Variants in RALYL observed in about 807,000 individuals in gnomAD.
RALYL encodes the protein RALY RNA binding protein like, also known as RNA-binding Raly-like protein.
Under a neutral mutation model 35.1 loss-of-function variants are expected in RALYL, and 29 were observed. The observed-to-expected ratio is 0.83, with a 90% CI of 0.61 to 1.13. The LOEUF is 1.13. RALYL is among the 50% of genes most tolerant of loss of function. The pLI is 0.00. For synonymous variants in RALYL, 120 were observed against 127.6 expected (o/e 0.94, Z 0.40); for missense variants, 359 against 360.4 (o/e 1.00, Z 0.03).
At chr8:84,652,844 A>T (rs543948248) in intron 2 of RALYL, among the ~76,000 whole-genome samples, 50 of 152,134 alleles carry the variant, frequency 3.3e-4, no homozygotes, top group African/African-American at 1.0e-3. Context: ...GAAATGTCTC[A>T]TTTGGATGAT....
chr8:84,554,528 C>A (rs1227837365), intron 2 of RALYL, among the ~76,000 whole-genome samples: 4 of 152,150 alleles, frequency 2.6e-5, no homozygotes, highest in African/African-American at 9.7e-5. Context: ...ATTTGAATCA[C>A]TGTATGTTCA....
rs1816617504 is a variant in RALYL, at chr8:84,604,207, G to T, written c.256+74630G>T. The stretch of plus-strand genomic sequence containing the variant: ...CTTACAATAAATAATCAGCTTCCAT[G>T]CCCTATCTGCCCAAATATTGTATTT... On this transcript the variant is annotated intron_variant, in intron 2 of 8. Transcript: ENST00000521268. Among the ~76,000 whole-genome samples the T allele has an allele frequency of 2.0e-5, 3 of 152,154 alleles. No individual in the cohort carries two copies. The South Asian group carries it at 6.2e-4, about 32-fold the overall frequency.
chr8:84,482,595 T>C (rs1265190194), intron 1 of RALYL, among the ~76,000 whole-genome samples: 1 of 152,064 alleles, frequency 6.6e-6, no homozygotes, highest in Non-Finnish European at 1.5e-5. Context: ...AAAGAGACCA[T>C]AATGGTCATG....
At chr8:84,408,805 A>G (rs189340032) in intron 1 of RALYL, among the ~76,000 whole-genome samples, 276 of 152,310 alleles carry the variant, frequency 1.8e-3, no homozygotes, top group African/African-American at 6.4e-3. Flanking sequence ...TGTAGAACAT[A>G]CTAGCACTAA....
At position 84,223,166 on chromosome 8, in the gene RALYL, CTCCCTTCCCTTCCCT is replaced by C. The variant is rs11277780; in HGVS notation, c.-24+38766_-24+38780del. 1.1e-4 allele frequency among the ~76,000 whole-genome samples: 9 copies of C among 83,856 alleles called. No individual in the cohort carries two copies. The East Asian group carries it at 1.7e-3, about 16-fold the overall frequency. The allele number at this position is 83,856 out of a possible 152,430, so 55.0% of individuals were successfully genotyped here. On this transcript the variant is annotated intron_variant, in intron 1 of 8. Transcript: ENST00000521268. ...TCCTTTCCTTTCCTTTCTTTCCTTC[CTCCCTTCCCTTCCCT>C]TCCCTTCCCTTCCCTTCCCTTCCAT...
chr8:84,533,833 G>T lies in RALYL; in HGVS notation c.256+4256G>T, dbSNP rs77597170. 2.5e-3 allele frequency among the ~76,000 whole-genome samples: 380 copies of T among 152,288 alleles called. 6 individuals carry two copies. The highest frequency in any genetic ancestry group is 3.2e-3 in the Non-Finnish European group (216 of 68,030). On this transcript the variant is annotated intron_variant, in intron 2 of 8. Transcript: ENST00000521268. ...TAACTAGATCCTGAAGGAAGTAATG[G>T]AATTGTCTTAGTAGAGAGGAAGATG... is the stretch of plus-strand genomic sequence containing the variant.
chr8:84,334,657 T>A (rs1847436125), intron 1 of RALYL, among the ~76,000 whole-genome samples: 1 of 152,094 alleles, frequency 6.6e-6, no homozygotes, highest in African/African-American at 2.4e-5. Context: ...GTTTTCCCTG[T>A]AATGTGTTTT....
chr8:84,888,739 T>C (rs1843322663), intron 8 of RALYL, among the ~76,000 whole-genome samples: 1 of 152,124 alleles, frequency 6.6e-6, no homozygotes, highest in African/African-American at 2.4e-5. Flanking sequence ...TTTATTATTT[T>C]TTGTTTATTT....
At chr8:84,361,712 G>C (rs1160586347) in intron 1 of RALYL, among the ~76,000 whole-genome samples, 2 of 152,038 alleles carry the variant, frequency 1.3e-5, no homozygotes, top group African/African-American at 4.8e-5. Flanking sequence ...CTGGAGGTAG[G>C]GGAAATTCTA....
chr8:84,627,716 A>G (rs141270867), intron 2 of RALYL, among the ~76,000 whole-genome samples: 148 of 152,014 alleles, frequency 9.7e-4, no homozygotes, highest in African/African-American at 3.3e-3. Context: ...TCTTATAGAT[A>G]AAATTGAATT....
At chr8:84,317,446 T>C (rs1006428896) in intron 1 of RALYL, among the ~76,000 whole-genome samples, 5 of 152,158 alleles carry the variant, frequency 3.3e-5, no homozygotes, top group African/African-American at 4.8e-5. Context: ...AATTCTAATG[T>C]CATGTGGCAA....
chr8:84,249,046 T>C (rs1036188847), intron 1 of RALYL, among the ~76,000 whole-genome samples: 1 of 152,088 alleles, frequency 6.6e-6, no homozygotes, highest in African/African-American at 2.4e-5. Context: ...AAAGTAGTTA[T>C]TCATTATGAT....
intron 1 of RALYL, among the ~76,000 whole-genome samples, chr8:84,238,913 T>A (rs1056536633): frequency 2.6e-5 from 4 of 152,194 alleles, no homozygotes; most frequent in Non-Finnish European, 4.4e-5. Flanking sequence ...AGCATGCATC[T>A]TGTTTCTTGT....
At position 84,183,699 on chromosome 8, in the gene RALYL, T is replaced by C. The variant is rs569989437; in HGVS notation, c.-749T>C. ...CCACTTCTTTGATTATTGTTTATAT[T>C]TGGGAAAGCTGGAGGAGCATGGTTT... On this transcript the variant is annotated 5_prime_UTR_variant, in exon 1 of 9. Transcript: ENST00000521268. The C allele has an allele frequency of 6.6e-6, 1 of 152,642 alleles. No homozygotes were observed. The highest frequency in any genetic ancestry group is 1.5e-5 in the Non-Finnish European group (1 of 68,044). 9.5% of individuals were successfully genotyped at this position (152,642 alleles called of 1,614,324 possible).
Position 84,821,250 on chromosome 8 carries a change from T to G in RALYL, c.365+16448T>G, listed in dbSNP as rs148962894. ...TTTGTGTTCTTCAATGAATCTTTAC[T>G]GATTCTCATAAAGACAAAATAGATA... On this transcript the variant is annotated intron_variant, in intron 4 of 8. Coordinates refer to ENST00000521268, the MANE Select transcript of RALYL (RefSeq NM_173848.7). Among the ~76,000 whole-genome samples the G allele has an allele frequency of 6.2e-4, 95 of 152,340 alleles. 1 individual carries two copies. In the East Asian group the frequency reaches 0.015, roughly 25 times the overall value.
intron 2 of RALYL, among the ~76,000 whole-genome samples, chr8:84,692,032 T>A (rs77707372): frequency 0.019 from 2,956 of 152,098 alleles, 45 homozygotes; most frequent in Middle Eastern, 0.051. Flanking sequence ...TATCCAATCA[T>A]GATTTTTAAA....
intron 1 of RALYL, among the ~76,000 whole-genome samples, chr8:84,467,024 C>G (rs1048395133): frequency 6.6e-6 from 1 of 151,936 alleles, no homozygotes; most frequent in Non-Finnish European, 1.5e-5. Context: ...CTGTTTGATT[C>G]TTCTCTCTTT....
At chr8:84,514,777 A>G (rs1391611114) in intron 1 of RALYL, among the ~76,000 whole-genome samples, 2 of 152,298 alleles carry the variant, frequency 1.3e-5, no homozygotes, top group East Asian at 3.9e-4. Flanking sequence ...AATTGTGAGT[A>G]GACTTTGTGT....
At chr8:84,450,596 A>G (rs2049357665) in intron 1 of RALYL, among the ~76,000 whole-genome samples, 1 of 151,952 alleles carries the variant, frequency 6.6e-6, no homozygotes, top group South Asian at 2.1e-4. Context: ...CAATACCTAC[A>G]GTTCAGATAA....
Sources: allele counts gnomAD v4.1 joint callset (sites outside exome capture counted in the v4.1 genomes callset), GRCh38; gene constraint gnomAD v4.1.1; transcripts MANE v1.5; gene names NCBI Gene and HGNC (gene_info 2026-07-23, HGNC 2026-07-21).